The following CCDC61 variants were observed in gnomAD, a reference collection of about 807,000 sequenced individuals.
The protein encoded by CCDC61 is coiled-coil domain containing 61, also known as centrosomal protein CCDC61.
CCDC61 carries 55 observed loss-of-function variants against 63.0 expected under a neutral mutation model. That is an observed-to-expected ratio of 0.87 (90% confidence interval 0.70 to 1.09). The LOEUF is 1.09. Among genes scored for constraint, CCDC61 ranks in the 50% least tolerant of loss-of-function variants. CCDC61 has a pLI of 0.00. For synonymous variants in CCDC61, 270 were observed against 317.0 expected (o/e 0.85, Z 1.58); for missense variants, 651 against 731.4 (o/e 0.89, Z 1.27).
chr19:46,010,278 A>C (rs1968803888), intron 5 of CCDC61, among the ~76,000 whole-genome samples: 1 of 152,216 alleles, frequency 6.6e-6, no homozygotes, highest in African/African-American at 2.4e-5. Flanking sequence ...CAAGTGGAAT[A>C]GAGTTGAATG....
chr19:46,015,103 G>T lies in CCDC61; in HGVS notation c.606G>T (p.Ser202=). Residue 202 remains serine (S), a synonymous_variant, in exon 6 of 14, where the codon TCG becomes TCT. Coordinates refer to ENST00000595358, the MANE Select transcript of CCDC61 (RefSeq NM_001267723.2). The surrounding 1 kb of genome is among the most constrained non-coding windows in gnomAD (Gnocchi z 5.3). The part of the protein sequence containing the change: ...KRELEAQLGR[S]REEALAGRAA... ...AGCTGGAGGCGCAGCTGGGCCGATC[G>T]CGCGAGGAGGCGCTGGCCGGGCGCG... The T allele has an allele frequency of 2.2e-6, 3 of 1,338,468 alleles. No individual in the cohort carries two copies. The South Asian group carries it at 5.6e-5, about 25-fold the overall frequency. The allele number at this position is 1,338,468 out of a possible 1,614,324, so 82.9% of individuals were successfully genotyped here.
At chr19:46,005,277 T>C (rs543794897) in intron 3 of CCDC61, among the ~76,000 whole-genome samples, 9 of 152,200 alleles carry the variant, frequency 5.9e-5, no homozygotes, top group Admixed American at 3.9e-4. Flanking sequence ...CCCAAAGTGC[T>C]GGGATTACAG....
chr19:46,008,326 T>TTGGGGGGGGGGGGGGGGG, intron 5 of CCDC61, 25 bp downstream of exon 5: 1 of 460,814 alleles, frequency 2.2e-6, no homozygotes. Flanking sequence ...GGTGGGCAGC[T>TTGGGGGGGGGGGGGGGGG]GGGGCGGGTG....
chr19:46,002,196 C>T (rs8100699), intron 1 of CCDC61, among the ~76,000 whole-genome samples: 21,505 of 151,622 alleles, frequency 0.14, 1,768 homozygotes, highest in Middle Eastern at 0.26. Context: ...CCACCTGCCT[C>T]GCCTCCCAAA....
chr19:46,018,345 G>A lies in CCDC61; in HGVS notation c.1497G>A (p.Lys499=), dbSNP rs1389800694. 5 of 1,576,924 alleles carry A rather than the reference G, an allele frequency of 3.2e-6. No individual in the cohort carries two copies. In the Admixed American group the frequency reaches 5.5e-5, roughly 17 times the overall value. Residue 499 remains lysine, a synonymous_variant, in exon 14 of 14, where the codon AAG becomes AAA. Coordinates refer to ENST00000595358, the MANE Select transcript of CCDC61 (RefSeq NM_001267723.2). This position sits in a 1 kb window ranked among gnomAD's most constrained non-coding sequence, Gnocchi z 4.2. ...ADMAEIDARL[K]ALQEYMNRLD... is the part of the protein sequence containing the mutation. ...TGGCCGAAATAGACGCACGCCTGAAGGCCTTGCAGGAGTACATGAACCGAC... is the reference window on the plus strand; with the variant it reads ...TGGCCGAAATAGACGCACGCCTGAAAGCCTTGCAGGAGTACATGAACCGAC...
chr19:46,003,254 C>G (rs1022838308), intron 2 of CCDC61, 88 bp downstream of exon 2: 6 of 1,482,384 alleles, frequency 4.0e-6, no homozygotes, highest in Non-Finnish European at 5.4e-6. Flanking sequence ...ATCCTGCCCA[C>G]CTGCCTCTTC....
At chr19:46,003,342 A>G in intron 2 of CCDC61, 77 bp from the exon 3 acceptor site, 1 of 1,479,944 alleles carries the variant, frequency 6.8e-7, no homozygotes, top group Non-Finnish European at 9.3e-7. Flanking sequence ...AGTCGGGTAG[A>G]ATTGCAGAGC....
At chr19:46,004,232 G>A (rs1004606690) in intron 3 of CCDC61, among the ~76,000 whole-genome samples, 2 of 152,096 alleles carry the variant, frequency 1.3e-5, no homozygotes, top group East Asian at 3.8e-4. Flanking sequence ...GAACCACTGC[G>A]CCCAGCCTGC....
At position 46,016,842 on chromosome 19, in the gene CCDC61, C is replaced by A; in HGVS notation, c.1231+9C>A. The A allele has an allele frequency of 6.6e-7, 1 of 1,508,448 alleles. No individual in the cohort carries two copies. Among genetic ancestry groups the A allele is most frequent in the Non-Finnish European group, 8.9e-7 (1 of 1,126,446 alleles). 93.4% of individuals were successfully genotyped at this position (1,508,448 alleles called of 1,614,324 possible). On this transcript the variant is annotated intron_variant, in intron 10 of 13. Transcript: ENST00000595358. The surrounding 1 kb of genome is among the most constrained non-coding windows in gnomAD (Gnocchi z 7.2). ...AAACCGCAGCTCCTCAGGTAACTGG[C>A]CTGGAGCTGGGGGCTGCCGGGCTAG...
intron 3 of CCDC61, among the ~76,000 whole-genome samples, chr19:46,004,734 C>G (rs1470297676): frequency 1.3e-5 from 2 of 151,270 alleles, no homozygotes; most frequent in Non-Finnish European, 2.9e-5. Flanking sequence ...CAAAGTGTTG[C>G]AATTACAAGC....
intron 4 of CCDC61, 85 bp downstream of exon 4, chr19:46,006,801 C>A: frequency 1.6e-6 from 2 of 1,266,154 alleles, no homozygotes; most frequent in Non-Finnish European, 2.2e-6. Context: ...CCCTGGCACC[C>A]AGGCAAGGTG....
intron 5 of CCDC61, among the ~76,000 whole-genome samples, chr19:46,010,205 G>A (rs1280747860): frequency 6.6e-6 from 1 of 152,206 alleles, no homozygotes; most frequent in Admixed American, 6.5e-5. Context: ...TCACAGATGA[G>A]AAAAGATGGC....
chr19:46,007,485 GA>G (rs5828259), intron 4 of CCDC61, among the ~76,000 whole-genome samples: 16,613 of 149,554 alleles, frequency 0.11, 966 homozygotes, highest in South Asian at 0.2. Flanking sequence ...TTTTTATCAG[GA>G]AAAAAAAAAG....
In CCDC61 at chr19:45,995,895, T is replaced by C. The variant is rs150978388; in HGVS notation, c.-12+391T>C. On this transcript the variant is annotated intron_variant, in intron 1 of 13. Coordinates refer to ENST00000595358, the MANE Select transcript of CCDC61 (RefSeq NM_001267723.2). ...GTGAAAGTCGTGGGAAGAAGCAATA[T>C]TGAGGAAGGGAGGGAAGGAGACCTC... 2.6e-5 allele frequency among the ~76,000 whole-genome samples: 4 copies of C among 152,180 alleles called. No individual in the cohort carries two copies. In the East Asian group the frequency reaches 7.7e-4, roughly 29 times the overall value.
In CCDC61 at chr19:46,018,567, T is replaced by C. The variant is rs185120580; in HGVS notation, c.*180T>C. On this transcript the variant is annotated 3_prime_UTR_variant, in exon 14 of 14. Coordinates refer to ENST00000595358, the MANE Select transcript of CCDC61 (RefSeq NM_001267723.2). The surrounding 1 kb of genome is among the most constrained non-coding windows in gnomAD (Gnocchi z 4.2). Reference sequence around the variant, plus strand: ...TGCCCTCTCCCCAGGCAGTGCATGCTGGGAGGGAGGATGTGTGCATTTTGT... The same window carrying C: ...TGCCCTCTCCCCAGGCAGTGCATGCCGGGAGGGAGGATGTGTGCATTTTGT... 1.7e-3 allele frequency: 990 copies of C among 580,720 alleles called. 4 individuals are homozygous for C. Among genetic ancestry groups the C allele is most frequent in the Non-Finnish European group, 2.5e-3 (815 of 321,326 alleles). The allele number at this position is 580,720 out of a possible 1,614,324, so 36.0% of individuals were successfully genotyped here. A position where few individuals can be genotyped will look rare whatever the true frequency, so the allele number is the denominator to read the frequency against.
At chr19:46,013,445 C>G (rs771511058) in intron 5 of CCDC61, among the ~76,000 whole-genome samples, 4 of 152,104 alleles carry the variant, frequency 2.6e-5, no homozygotes, top group Non-Finnish European at 4.4e-5. Context: ...GTGTGAGCCA[C>G]CACACTTGAC....
chr19:46,015,018 C>T lies in CCDC61; in HGVS notation c.552-31C>T, dbSNP rs1313185271. 1.3e-6 allele frequency: 2 copies of T among 1,482,126 alleles called. No individual in the cohort carries two copies. Among genetic ancestry groups the T allele is most frequent in the East Asian group, 2.9e-5 (1 of 34,822 alleles). The allele number at this position is 1,482,126 out of a possible 1,614,324, so 91.8% of individuals were successfully genotyped here. On this transcript the variant is annotated intron_variant, in intron 5 of 13. Transcript: ENST00000595358. The surrounding 1 kb of genome is among the most constrained non-coding windows in gnomAD (Gnocchi z 5.3). ...GTAGTGGGAATGGGGCCATGCCTCT[C>T]TCTCCAGCGCTCTCTCCGCGTCTTC...
intron 12 of CCDC61, among the ~76,000 whole-genome samples, 170 bp from the exon 13 acceptor site, chr19:46,017,908 G>C (rs1042947248): frequency 2.0e-5 from 3 of 152,116 alleles, no homozygotes; most frequent in African/African-American, 7.2e-5. Context: ...CATGTGAGGT[G>C]AGGGCTCTGT....
chr19:46,006,139 G>A (rs1472887025), intron 3 of CCDC61, among the ~76,000 whole-genome samples: 2 of 152,128 alleles, frequency 1.3e-5, no homozygotes, highest in African/African-American at 4.8e-5. Flanking sequence ...CGGTGCCAGG[G>A]GCTTGATTTC....
Sources: gnomAD v4.1 joint callset for allele counts (sites outside exome capture counted in the v4.1 genomes callset) on GRCh38, gnomAD v4.1.1 for gene constraint, Gnocchi (gnomAD v3.1) non-coding constraint, MANE v1.5 for transcripts, NCBI Gene and HGNC (gene_info 2026-07-23, HGNC 2026-07-21) for gene names.